RASSF8: variants seen among roughly 807,000 people sequenced by gnomAD.
RASSF8 encodes Ras association domain family member 8, also known as ras association domain-containing protein 8.
RASSF8 carries 22 observed loss-of-function variants against 48.5 expected under a neutral mutation model. That is an observed-to-expected ratio of 0.45 (90% CI 0.32 to 0.65). The LOEUF (loss-of-function observed/expected upper bound fraction) is 0.65, where lower values mean the gene tolerates loss of function less well. RASSF8 is among the 30% of genes least tolerant of loss of function. The probability of loss-of-function intolerance (pLI) is 0.03; values close to 1 mark genes in which losing one functional copy is unlikely to be tolerated. For missense variants in RASSF8, 418 were observed against 489.2 expected (o/e 0.85, Z 1.37); for synonymous variants, 127 against 171.5 (o/e 0.74, Z 2.03).
rs574961597 is a variant in RASSF8, at chr12:26,013,455, G to T, written c.-109+18325G>T. Among the ~76,000 whole-genome samples the T allele has an allele frequency of 2.1e-3, 315 of 152,298 alleles. 4 individuals carry two copies. The highest frequency in any genetic ancestry group is 7.2e-3 in the African/African-American group (298 of 41,578). On this transcript the variant is annotated intron_variant, in intron 2 of 5. Transcript: ENST00000689635. The stretch of plus-strand genomic sequence containing the variant: ...ATGGTGCTGTGAACTCAAGTCCGCT[G>T]ATTCTTTAAATCCTGTGTCCTTCTA...
chr12:26,024,830 G>A (rs1424067171), intron 2 of RASSF8, among the ~76,000 whole-genome samples: 2 of 152,060 alleles, frequency 1.3e-5, no homozygotes, highest in African/African-American at 2.4e-5. Context: ...GGTGGCGGGC[G>A]CCTGTAGCCC....
At chr12:26,048,341 A>G (rs1460793991) in intron 2 of RASSF8, among the ~76,000 whole-genome samples, 1 of 152,200 alleles carries the variant, frequency 6.6e-6, no homozygotes, top group Admixed American at 6.5e-5. Flanking sequence ...AACCAAATGT[A>G]TTTTTGAGTG....
intron 2 of RASSF8, among the ~76,000 whole-genome samples, chr12:26,042,375 A>G (rs1043414036): frequency 6.6e-6 from 1 of 152,176 alleles, no homozygotes; most frequent in African/African-American, 2.4e-5. Context: ...TAATTTATAA[A>G]CCAGAATCTG....
At chr12:25,991,855 A>G (rs1942022453) in intron 1 of RASSF8, among the ~76,000 whole-genome samples, 1 of 152,232 alleles carries the variant, frequency 6.6e-6, no homozygotes, top group South Asian at 2.1e-4. Flanking sequence ...CAGCTACCAA[A>G]ATAAAAGAAT....
chr12:25,987,406 GC>G (rs1479870848), intron 1 of RASSF8, among the ~76,000 whole-genome samples: 11 of 152,154 alleles, frequency 7.2e-5, no homozygotes, highest in African/African-American at 2.2e-4. Flanking sequence ...GCCAATATAA[GC>G]TTTCATCAAG....
intron 2 of RASSF8, among the ~76,000 whole-genome samples, chr12:26,022,810 C>T (rs1277524785): frequency 2.0e-5 from 3 of 151,938 alleles, no homozygotes; most frequent in Non-Finnish European, 2.9e-5. Flanking sequence ...GGCGCGATCT[C>T]GGCTCACTGC....
intron 2 of RASSF8, among the ~76,000 whole-genome samples, chr12:26,046,579 A>G (rs1296090365): frequency 6.6e-6 from 1 of 152,250 alleles, no homozygotes; most frequent in African/African-American, 2.4e-5. Context: ...GCTCAGGGCT[A>G]TAATCCCAGC....
At chr12:26,067,799 G>A (rs1024690828) in intron 5 of RASSF8, 86 bp downstream of exon 5, 20 of 1,530,782 alleles carry the variant, frequency 1.3e-5, no homozygotes, top group African/African-American at 2.8e-5. Context: ...TAGTATCACT[G>A]TATCGCCCAG....
chr12:26,042,859 A>C (rs1450579965), intron 2 of RASSF8, among the ~76,000 whole-genome samples: 1 of 152,156 alleles, frequency 6.6e-6, no homozygotes, highest in Non-Finnish European at 1.5e-5. Flanking sequence ...AGCATCAATT[A>C]GTGGTAAGAT....
chr12:25,990,962 G>C (rs2136945172), intron 1 of RASSF8, among the ~76,000 whole-genome samples: 1 of 152,276 alleles, frequency 6.6e-6, no homozygotes, highest in South Asian at 2.1e-4. Flanking sequence ...TCACAGAGTA[G>C]AGAGTAGCTG....
rs746251642 is a variant in RASSF8 at position 26,014,645 on chromosome 12, TAAG to T, written c.-109+19518_-109+19520del. Among the ~76,000 whole-genome samples the T allele has an allele frequency of 7.6e-4, 116 of 152,260 alleles. 1 individual carries two copies. The highest frequency in any genetic ancestry group is 2.7e-3 in the African/African-American group (112 of 41,554). On this transcript the variant is annotated intron_variant, in intron 2 of 5. Transcript: ENST00000689635. ...TTATTTTTCAAATAGATATTTGAAA[TAAG>T]AAACAAATTTTGACAATACTCATAG...
chr12:26,001,807 T>C (rs1942265330), intron 2 of RASSF8, among the ~76,000 whole-genome samples: 1 of 152,124 alleles, frequency 6.6e-6, no homozygotes, highest in African/African-American at 2.4e-5. Context: ...AAGGAAGGAA[T>C]ACCCTTTAAA....
Position 26,027,050 on chromosome 12 carries a change from TAA to T in RASSF8, c.-108-28180_-108-28179del, listed in dbSNP as rs550549749. 1.6e-4 allele frequency among the ~76,000 whole-genome samples: 25 copies of T among 152,180 alleles called. 1 individual carries two copies. In the East Asian group the frequency reaches 4.8e-3, roughly 29 times the overall value. On this transcript the variant is annotated intron_variant, in intron 2 of 5. Transcript: ENST00000689635. ...AATACAATGAAATATTATTTGGCAA[TAA>T]AAAAATGAAATACAGATATTTACTA...
At chr12:25,998,037 G>A (rs1266038099) in intron 2 of RASSF8, among the ~76,000 whole-genome samples, 4 of 152,110 alleles carry the variant, frequency 2.6e-5, no homozygotes, top group Non-Finnish European at 4.4e-5. Context: ...AAAGAAACAG[G>A]ATTTGATACT....
intron 2 of RASSF8, among the ~76,000 whole-genome samples, chr12:26,002,897 G>A (rs1942295377): frequency 6.6e-6 from 1 of 152,102 alleles, no homozygotes; most frequent in Admixed American, 6.6e-5. Flanking sequence ...TGTTAGCTGT[G>A]GGTTTATAGT....
At chr12:26,039,740 T>C (rs1392846867) in intron 2 of RASSF8, among the ~76,000 whole-genome samples, 1 of 152,250 alleles carries the variant, frequency 6.6e-6, no homozygotes, top group East Asian at 1.9e-4. Flanking sequence ...ATGTTTCTTC[T>C]GAAAGAATCA....
At chr12:25,961,376 A>G (rs1241560662) in intron 1 of RASSF8, among the ~76,000 whole-genome samples, 2 of 152,238 alleles carry the variant, frequency 1.3e-5, no homozygotes, top group African/African-American at 4.8e-5. Flanking sequence ...GGAGTTGGAT[A>G]GAAAAACATG....
rs2137345207 is a variant in RASSF8 at position 26,072,096 on chromosome 12, G to A, written c.*3278G>A. ...TGCAAAGTGCTTGGGCAGATGGACA[G>A]TTCCCATTGTGCATTGCCTTTGATA... On this transcript the variant is annotated 3_prime_UTR_variant, in exon 6 of 6. Transcript: ENST00000689635. 2 of 985,374 alleles carry A rather than the reference G, an allele frequency of 2.0e-6. No homozygotes were observed. Among genetic ancestry groups the A allele is most frequent in the South Asian group, 4.7e-5 (1 of 21,284 alleles). The allele number at this position is 985,374 out of a possible 1,614,324, so 61.0% of individuals were successfully genotyped here.
chr12:26,036,238 G>A (rs934777269), intron 2 of RASSF8, among the ~76,000 whole-genome samples: 3 of 151,754 alleles, frequency 2.0e-5, no homozygotes, highest in South Asian at 2.1e-4. Context: ...TATTTTTTGT[G>A]AATCATATCT....
Sources: gnomAD v4.1 joint callset for allele counts (sites outside exome capture counted in the v4.1 genomes callset) on GRCh38, gnomAD v4.1.1 for gene constraint, MANE v1.5 for transcripts, NCBI Gene and HGNC (gene_info 2026-07-23, HGNC 2026-07-21) for gene names.